Variants in RORA observed in about 807,000 individuals in gnomAD.
The protein encoded by RORA is RAR related orphan receptor A.
A neutral mutation model predicts 69.5 loss-of-function variants in RORA; 7 were observed. That is an observed-to-expected ratio of 0.10 (90% CI 0.06 to 0.19). The LOEUF (loss-of-function observed/expected upper bound fraction) is 0.19, where lower values mean the gene tolerates loss of function less well. RORA is among the 10% of genes least tolerant of loss of function. The probability of loss-of-function intolerance (pLI) is 1.00; values close to 1 mark genes in which losing one functional copy is unlikely to be tolerated. For synonymous variants in RORA, 261 were observed against 240.8 expected (o/e 1.08, Z -0.78); for missense variants, 457 against 663.0 (o/e 0.69, Z 3.41).
intron 1 of RORA, among the ~76,000 whole-genome samples, chr15:61,116,388 C>A (rs2079051310): frequency 6.6e-6 from 1 of 152,146 alleles, no homozygotes; most frequent in African/African-American, 2.4e-5. Context: ...TACAGTACAA[C>A]CTATTGCTAC....
chr15:60,993,501 T>G (rs1894442988), intron 1 of RORA, among the ~76,000 whole-genome samples: 1 of 151,930 alleles, frequency 6.6e-6, no homozygotes, highest in Admixed American at 6.6e-5. Flanking sequence ...TAGCCAGGCA[T>G]GCATGGTGGC....
At chr15:60,876,115 G>A (rs2073611039) in intron 1 of RORA, among the ~76,000 whole-genome samples, 1 of 152,138 alleles carries the variant, frequency 6.6e-6, no homozygotes, top group African/African-American at 2.4e-5. Flanking sequence ...AAGTCCCACA[G>A]ATTTCTACTA....
intron 1 of RORA, among the ~76,000 whole-genome samples, chr15:61,196,292 A>G (rs1448893723): frequency 6.6e-6 from 1 of 152,244 alleles, no homozygotes; most frequent in East Asian, 1.9e-4. Context: ...ATCATCAACC[A>G]GTAGCTTGCA....
At chr15:60,754,988 T>A (rs2071776734) in intron 1 of RORA, among the ~76,000 whole-genome samples, 1 of 151,694 alleles carries the variant, frequency 6.6e-6, no homozygotes, top group Non-Finnish European at 1.5e-5. Context: ...GAGTCTTTTT[T>A]TTTTTTTATA....
intron 2 of RORA, among the ~76,000 whole-genome samples, chr15:60,661,734 G>A (rs1472442097): frequency 6.6e-6 from 1 of 152,166 alleles, no homozygotes; most frequent in Non-Finnish European, 1.5e-5. Context: ...GATAAACCCT[G>A]ACTCCATCAG....
At chr15:60,987,293 G>A (rs143888930) in intron 1 of RORA, among the ~76,000 whole-genome samples, 3 of 152,126 alleles carry the variant, frequency 2.0e-5, no homozygotes, top group East Asian at 1.9e-4. Flanking sequence ...CCTGGAGGAC[G>A]GTCTGTCTAA....
intron 1 of RORA, among the ~76,000 whole-genome samples, chr15:61,097,420 T>C (rs1052157365): frequency 2.0e-5 from 3 of 152,096 alleles, no homozygotes; most frequent in African/African-American, 7.2e-5. Flanking sequence ...CTGACCTCAG[T>C]TCTGTCATCC....
At chr15:60,855,855 T>A (rs1408071912) in intron 1 of RORA, among the ~76,000 whole-genome samples, 2 of 152,220 alleles carry the variant, frequency 1.3e-5, no homozygotes, top group African/African-American at 4.8e-5. Flanking sequence ...GACAACGTGA[T>A]CCATCCACCT....
intron 1 of RORA, among the ~76,000 whole-genome samples, chr15:61,049,065 C>T (rs769746267): frequency 6.6e-6 from 1 of 152,214 alleles, no homozygotes; most frequent in African/African-American, 2.4e-5. Flanking sequence ...CGTGTCCCAA[C>T]ACCACATCTG....
At chr15:61,115,570 G>C (rs192126208) in intron 1 of RORA, among the ~76,000 whole-genome samples, 5 of 152,132 alleles carry the variant, frequency 3.3e-5, no homozygotes, top group African/African-American at 1.2e-4. Flanking sequence ...TTGGAAATAG[G>C]CTCATTTTCC....
intron 1 of RORA, among the ~76,000 whole-genome samples, chr15:60,843,278 T>TA (rs1346967239): frequency 1.3e-5 from 2 of 152,142 alleles, no homozygotes; most frequent in South Asian, 2.1e-4. Flanking sequence ...TCTAACTTCC[T>TA]AAAAATTAAA....
chr15:60,850,213 A>C (rs943415688), intron 1 of RORA, among the ~76,000 whole-genome samples: 3 of 152,142 alleles, frequency 2.0e-5, no homozygotes, highest in African/African-American at 7.2e-5. Context: ...GGTCGAAATA[A>C]CATGCAGCTC....
intron 2 of RORA, among the ~76,000 whole-genome samples, chr15:60,654,242 A>G (rs1174619673): frequency 1.3e-5 from 2 of 152,200 alleles, no homozygotes; most frequent in Admixed American, 6.5e-5. Context: ...GTACCCTAAA[A>G]TGTTCCATGG....
chr15:61,107,150 C>A (rs1351782306), intron 1 of RORA, among the ~76,000 whole-genome samples: 1 of 152,172 alleles, frequency 6.6e-6, no homozygotes, highest in Non-Finnish European at 1.5e-5. Context: ...GCTGGAATCA[C>A]CCGTGCTCTG....
chr15:60,839,165 T>C (rs148677155), intron 1 of RORA, among the ~76,000 whole-genome samples: 4,606 of 152,312 alleles, frequency 0.03, 75 homozygotes, highest in African/African-American at 0.037. Context: ...CCCAAAGTGC[T>C]GCGATTACAG....
Position 60,531,883 on chromosome 15 carries a change from A to G in RORA, c.197-32T>C. ...CAGAAGCACGCAACCAGTTAATTAC[A>G]TTTTCTTTTAAACACCTTATAAAAG... On this transcript the variant is annotated intron_variant, in intron 2 of 10. Transcript: ENST00000335670. The surrounding 1 kb of genome is among the most constrained non-coding windows in gnomAD (Gnocchi z 4.8). 1 of 1,400,704 alleles carries G rather than the reference A, an allele frequency of 7.1e-7. No individual in the cohort carries two copies. The highest frequency in any genetic ancestry group is 2.3e-5 in the East Asian group (1 of 42,562). 86.8% of individuals were successfully genotyped at this position (1,400,704 alleles called of 1,614,324 possible). A position where few individuals can be genotyped will look rare whatever the true frequency, so the allele number is the denominator to read the frequency against.
chr15:61,179,468 G>A (rs2079662068), intron 1 of RORA, among the ~76,000 whole-genome samples: 1 of 152,154 alleles, frequency 6.6e-6, no homozygotes, highest in Non-Finnish European at 1.5e-5. Context: ...TGTTATTTAT[G>A]TTAGGATGCA....
chr15:60,722,834 C>T (rs1390245015), intron 1 of RORA, among the ~76,000 whole-genome samples: 1 of 152,180 alleles, frequency 6.6e-6, no homozygotes, highest in Admixed American at 6.5e-5. Context: ...GAAGACCCTC[C>T]TTCCCATTTC....
intron 1 of RORA, among the ~76,000 whole-genome samples, chr15:61,201,477 T>C (rs1401904673): frequency 6.6e-6 from 1 of 152,222 alleles, no homozygotes. Context: ...AAGGTTTCTC[T>C]GTAAACATGA....
Sources: gnomAD v4.1 joint callset for allele counts (sites outside exome capture counted in the v4.1 genomes callset) on GRCh38, gnomAD v4.1.1 for gene constraint, Gnocchi (gnomAD v3.1) non-coding constraint, MANE v1.5 for transcripts, NCBI Gene and HGNC (gene_info 2026-07-23, HGNC 2026-07-21) for gene names.